Variants in EVL observed in about 807,000 individuals in gnomAD.
The protein encoded by EVL is Enah/Vasp-like.
EVL carries 21 observed loss-of-function variants against 59.6 expected under a neutral mutation model. The observed-to-expected ratio is 0.35, with a 90% CI of 0.25 to 0.51. The LOEUF (loss-of-function observed/expected upper bound fraction) is 0.51, where lower values mean the gene tolerates loss of function less well. Ranked by LOEUF, EVL falls within the 20% of genes least tolerant of loss-of-function variation. The probability of loss-of-function intolerance (pLI) is 0.97; values close to 1 mark genes in which losing one functional copy is unlikely to be tolerated. For synonymous variants in EVL, 198 were observed against 203.5 expected (o/e 0.97, Z 0.23); for missense variants, 462 against 546.6 (o/e 0.85, Z 1.54).
At chr14:99,980,842 G>T (rs1273793918) in intron 1 of EVL, among the ~76,000 whole-genome samples, 1 of 152,132 alleles carries the variant, frequency 6.6e-6, no homozygotes, top group Non-Finnish European at 1.5e-5. Flanking sequence ...ATGTTATTTT[G>T]AATTTTGCTG....
intron 1 of EVL, among the ~76,000 whole-genome samples, chr14:100,025,851 G>A (rs781664968): frequency 2.6e-5 from 4 of 152,064 alleles, no homozygotes; most frequent in Non-Finnish European, 4.4e-5. Flanking sequence ...CAGGAGAATC[G>A]CTTGAACCTG....
upstream of EVL, among the ~76,000 whole-genome samples, chr14:100,062,723 C>T (rs1374963613): frequency 2.6e-5 from 4 of 152,076 alleles, no homozygotes; most frequent in East Asian, 5.8e-4. Context: ...AGATACAAAT[C>T]GACTGAAAGT....
chr14:100,070,948 A>G (rs551857526), intron 1 of EVL, among the ~76,000 whole-genome samples: 26 of 152,312 alleles, frequency 1.7e-4, no homozygotes, highest in Non-Finnish European at 3.2e-4. Context: ...CCCCAAAGAA[A>G]GGGCTACGCC....
intron 1 of EVL, among the ~76,000 whole-genome samples, chr14:100,012,559 C>T (rs1489982650): frequency 6.6e-6 from 1 of 152,244 alleles, no homozygotes; most frequent in Admixed American, 6.5e-5. Flanking sequence ...GGAAAGAGGA[C>T]TGCTGACTTA....
chr14:100,089,047 T>A (rs76210417), intron 2 of EVL, among the ~76,000 whole-genome samples: 4,042 of 152,338 alleles, frequency 0.027, 180 homozygotes, highest in African/African-American at 0.091. Flanking sequence ...TTCCTAAAGA[T>A]AATGACAGAC....
At chr14:99,999,526 G>A (rs2060933116) in intron 1 of EVL, among the ~76,000 whole-genome samples, 1 of 152,194 alleles carries the variant, frequency 6.6e-6, no homozygotes, top group South Asian at 2.1e-4. Flanking sequence ...AGCTAAATGT[G>A]GTGGCTCCTG....
chr14:99,981,901 G>T (rs1449619240), intron 1 of EVL, among the ~76,000 whole-genome samples: 1 of 152,178 alleles, frequency 6.6e-6, no homozygotes, highest in Admixed American at 6.5e-5. Flanking sequence ...CCAATGAAAC[G>T]AGGTCTGTCT....
In EVL at chr14:100,109,350, C is replaced by G. The variant is rs905621325; in HGVS notation, c.358+11692C>G. ...TTTGCCCTGCTGTTGTGAAGCCTTC[C>G]CAGTGCCCCAGAAGACCTCAGGCAC... On this transcript the variant is annotated intron_variant, in intron 3 of 13. Transcript: ENST00000392920. The surrounding 1 kb of genome is among the most constrained non-coding windows in gnomAD (Gnocchi z 4.3). The G allele has an allele frequency of 6.2e-5, 22 of 356,054 alleles. No homozygotes were observed. The highest frequency in any genetic ancestry group is 4.7e-4 in the African/African-American group (22 of 46,744). 22.1% of individuals were successfully genotyped at this position (356,054 alleles called of 1,614,324 possible).
rs769830604 is a variant in EVL at position 100,072,482 on chromosome 14, G to C, written c.11+6971G>C. Among the ~76,000 whole-genome samples the C allele has an allele frequency of 2.2e-4, 33 of 152,222 alleles. 1 individual carries two copies. The highest frequency in any genetic ancestry group is 4.1e-4 in the Non-Finnish European group (28 of 68,038). On this transcript the variant is annotated intron_variant, in intron 1 of 13. Transcript: ENST00000392920. Reference sequence around the variant, plus strand: ...ACTCCTGATCTCAGGTGATCCACCTGCTTTGGCCTCCCAAAGTGCTGGGAT... The same window carrying C: ...ACTCCTGATCTCAGGTGATCCACCTCCTTTGGCCTCCCAAAGTGCTGGGAT...
At chr14:100,038,507 A>G (rs998683134) in intron 1 of EVL, among the ~76,000 whole-genome samples, 3 of 152,242 alleles carry the variant, frequency 2.0e-5, no homozygotes, top group Non-Finnish European at 4.4e-5. Context: ...TTAGTCCCAA[A>G]TCAGGATACT....
chr14:100,090,893 T>C (rs2062549378), intron 2 of EVL, among the ~76,000 whole-genome samples: 3 of 152,176 alleles, frequency 2.0e-5, no homozygotes, highest in Admixed American at 2.0e-4. Context: ...CTCTTTGATT[T>C]AGCAGTTGGA....
intron 1 of EVL, among the ~76,000 whole-genome samples, chr14:100,036,815 C>T (rs2061395918): frequency 6.6e-6 from 1 of 152,096 alleles, no homozygotes; most frequent in Admixed American, 6.6e-5. Flanking sequence ...ATTATGTCTC[C>T]CACAACTCAC....
At chr14:100,102,380 G>T (rs1249728030) in intron 3 of EVL, 1 of 456,034 alleles carries the variant, frequency 2.2e-6, no homozygotes, top group Non-Finnish European at 4.4e-6. Flanking sequence ...ACGTCATGTG[G>T]TATGTTCCAG....
At chr14:100,019,784 CA>C in intron 1 of EVL, 85 of 1,200,696 alleles carry the variant, frequency 7.1e-5, no homozygotes, top group South Asian at 8.9e-5. Context: ...CTGGTTCTCA[CA>C]AAAAAAACAG....
chr14:99,972,162 C>T lies in EVL; in HGVS notation c.5+105C>T. 3 of 247,248 alleles carry T rather than the reference C, an allele frequency of 1.2e-5. No individual in the cohort carries two copies. Among genetic ancestry groups the T allele is most frequent in the Non-Finnish European group, 2.3e-5 (3 of 128,110 alleles). 15.3% of individuals were successfully genotyped at this position (247,248 alleles called of 1,614,324 possible). On this transcript the variant is annotated intron_variant, in intron 1 of 13. Transcript: ENST00000402714. The surrounding 1 kb of genome is among the most constrained non-coding windows in gnomAD (Gnocchi z 4.4). ...GAGGGCGGGAGGGGGGCTCCACGGGCGCGGGGGCTTCCAGAGAACCGCGGG... is the reference window on the plus strand; with the variant it reads ...GAGGGCGGGAGGGGGGCTCCACGGGTGCGGGGGCTTCCAGAGAACCGCGGG...
chr14:100,034,866 T>C (rs1261128375), intron 1 of EVL, among the ~76,000 whole-genome samples: 2 of 152,244 alleles, frequency 1.3e-5, no homozygotes, highest in Non-Finnish European at 2.9e-5. Flanking sequence ...GTTTTGAGTC[T>C]CCCTTATCTG....
intron 1 of EVL, among the ~76,000 whole-genome samples, chr14:100,034,594 G>A (rs545777081): frequency 6.6e-6 from 1 of 152,092 alleles, no homozygotes; most frequent in South Asian, 2.1e-4. Flanking sequence ...AAAATTAACC[G>A]GGCATGGTGG....
chr14:100,090,571 A>T (rs896834205), intron 2 of EVL, among the ~76,000 whole-genome samples: 1 of 152,232 alleles, frequency 6.6e-6, no homozygotes, highest in Non-Finnish European at 1.5e-5. Flanking sequence ...ACGATTAATG[A>T]CTTGAATCTA....
chr14:99,979,847 C>T (rs898749459), intron 1 of EVL, among the ~76,000 whole-genome samples: 3 of 151,908 alleles, frequency 2.0e-5, no homozygotes, highest in South Asian at 2.1e-4. Context: ...CCAGCCTGGG[C>T]GAACAGAGCG....
Sources: allele counts gnomAD v4.1 joint callset (sites outside exome capture counted in the v4.1 genomes callset), GRCh38; gene constraint gnomAD v4.1.1; non-coding constraint Gnocchi (gnomAD v3.1); transcripts MANE v1.5; gene names NCBI Gene and HGNC (gene_info 2026-07-23, HGNC 2026-07-21).